HSF4: variants seen among roughly 807,000 people sequenced by gnomAD.
HSF4 encodes the protein heat shock factor protein 4.
HSF4 carries 41 observed loss-of-function variants against 52.0 expected under a neutral mutation model. The observed-to-expected ratio is 0.79, with a 90% confidence interval of 0.61 to 1.02. The LOEUF (loss-of-function observed/expected upper bound fraction) is 1.02. Among genes scored for constraint, HSF4 ranks in the 50% least tolerant of loss-of-function variants. HSF4 has a pLI of 0.00. For synonymous variants in HSF4, 285 were observed against 273.0 expected (o/e 1.04, Z -0.43); for missense variants, 610 against 651.1 (o/e 0.94, Z 0.69).
chr16:67,168,881 C>A lies in HSF4; in HGVS notation c.1133C>A (p.Pro378His). The change falls in exon 10 of 13, where the codon CCT becomes CAT. Residue 378 changes from proline (P) to histidine (H), a missense_variant. Coordinates refer to ENST00000521374, the MANE Select transcript of HSF4 (RefSeq NM_001374675.1). ...SGDRSPESLL[P>H]PMLLQPPQES... ...GACAGGAGCCCAGAGAGTCTGCTGC[C>A]TCCGATGCTGCTTCAGCCCCCTCAA... 1 of 1,614,048 alleles carries A rather than the reference C, an allele frequency of 6.2e-7. No homozygotes were observed. The highest frequency in any genetic ancestry group is 8.5e-7 in the Non-Finnish European group (1 of 1,180,046).
upstream of HSF4, chr16:67,164,692 G>T: frequency 1.5e-5 from 19 of 1,256,060 alleles, no homozygotes; most frequent in South Asian, 3.0e-4. Context: ...CGTGGCCCCC[G>T]CCTGACCCGG....
Position 67,167,965 on chromosome 16 carries a change from TG to T in HSF4, c.1082+20del, listed in dbSNP as rs765186824. The T allele has an allele frequency of 2.4e-5, 37 of 1,558,876 alleles. No homozygotes were observed. Among genetic ancestry groups the T allele is most frequent in the Non-Finnish European group, 3.0e-5 (35 of 1,155,836 alleles). On this transcript the variant is annotated intron_variant, in intron 9 of 12. Transcript: ENST00000521374. ...CCTGACAGGTGAGCAGAGCCCCAGC[TG>T]GCCCATGAGCCCTGTGATAGAACAG... is the stretch of plus-strand genomic sequence containing the variant.
At chr16:67,164,201 C>G (rs1222480757), upstream of HSF4, 2 of 489,876 alleles carry the variant, frequency 4.1e-6, no homozygotes, top group Admixed American at 2.8e-5. Flanking sequence ...AAGGCGGGGT[C>G]GGATCTGAAA....
At chr16:67,168,003 C>A in intron 9 of HSF4, 56 bp downstream of exon 9, 1 of 1,361,320 alleles carries the variant, frequency 7.3e-7, no homozygotes, top group Non-Finnish European at 1.0e-6. Flanking sequence ...CCTTACCAGC[C>A]CACAAAGCTT....
At chr16:67,164,022 C>A, upstream of HSF4, 1 of 766,070 alleles carries the variant, frequency 1.3e-6, no homozygotes, top group Non-Finnish European at 2.2e-6. Context: ...TCTGCAGACG[C>A]CCCACCCGCT....
At position 67,167,604 on chromosome 16, in the gene HSF4, G is replaced by A. The variant is rs775017771; in HGVS notation, c.854+5G>A. 34 of 1,613,126 alleles carry A rather than the reference G, an allele frequency of 2.1e-5. No individual in the cohort carries two copies. The highest frequency in any genetic ancestry group is 3.4e-6 in the Non-Finnish European group (4 of 1,179,874). On this transcript the variant is annotated splice_donor_5th_base_variant and intron_variant, in intron 8 of 12. Coordinates refer to ENST00000521374, the MANE Select transcript of HSF4 (RefSeq NM_001374675.1). ...TCCCTCCAGTGATGGCAGGAGGTAA[G>A]GGGGACAGGGCTGCCCCTGAGGGGC...
intron 7 of HSF4, 24 bp from the exon 8 acceptor site, chr16:67,167,451 C>G (rs771799200): frequency 6.2e-7 from 1 of 1,613,788 alleles, no homozygotes; most frequent in Non-Finnish European, 8.5e-7. Flanking sequence ...AGGCCAAGGG[C>G]TGGGCCTAGC....
At chr16:67,166,185 A>G (rs947176809) in intron 4 of HSF4, 115 bp downstream of exon 4, 2 of 1,380,810 alleles carry the variant, frequency 1.4e-6, no homozygotes, top group East Asian at 2.5e-5. Context: ...TGGCGCCTCC[A>G]TCTAGACTTA....
At chr16:67,163,968 G>A, upstream of HSF4, 1 of 1,261,652 alleles carries the variant, frequency 7.9e-7, no homozygotes, top group East Asian at 2.5e-5. Flanking sequence ...TGATGGCATC[G>A]GGACCAGTCC....
In HSF4 at chr16:67,165,637, C is replaced by G; in HGVS notation, c.232+7C>G. On this transcript the variant is annotated splice_region_variant and intron_variant, in intron 2 of 12. Coordinates refer to ENST00000521374, the MANE Select transcript of HSF4 (RefSeq NM_001374675.1). The surrounding 1 kb of genome is among the most constrained non-coding windows in gnomAD (Gnocchi z 6.9). ...GTGCGCCAACTCAACATGTGTGAGT[C>G]CCTACGGCCGGGCGGGGAGCGGGGA... The G allele has an allele frequency of 6.2e-7, 1 of 1,612,748 alleles. No homozygotes were observed. The highest frequency in any genetic ancestry group is 8.5e-7 in the Non-Finnish European group (1 of 1,179,760).
chr16:67,164,313 G>C (rs1011506699), upstream of HSF4: 8 of 386,184 alleles, frequency 2.1e-5, no homozygotes, highest in Non-Finnish European at 4.1e-5. Flanking sequence ...GGTCAGGGTC[G>C]GGGCACTCAC....
rs114297368 is a variant in HSF4, at chr16:67,167,049, G to A, written c.627-71G>A. 9.8e-4 allele frequency: 1,583 copies of A among 1,607,934 alleles called. 10 individuals carry two copies. The African/African-American group carries it at 0.018, about 18-fold the overall frequency. Reference sequence around the variant, plus strand: ...GGCTGCTGGGGCCTGAGGGAGGGAGGGAAGTGCAGGCCGAGGTGCATGGGG... The same window carrying A: ...GGCTGCTGGGGCCTGAGGGAGGGAGAGAAGTGCAGGCCGAGGTGCATGGGG... On this transcript the variant is annotated intron_variant, in intron 6 of 12. Transcript: ENST00000521374.
At chr16:67,168,063 C>G (rs1166441928) in intron 9 of HSF4, 116 bp downstream of exon 9, 2 of 906,786 alleles carry the variant, frequency 2.2e-6, no homozygotes, top group African/African-American at 3.3e-5. Flanking sequence ...GCCCCAGCAT[C>G]AGAGTTCTGT....
rs576000352 is a variant in HSF4, at chr16:67,165,011, C to A, written c.123+77C>A. On this transcript the variant is annotated intron_variant, in intron 1 of 12. Transcript: ENST00000521374. The surrounding 1 kb of genome is among the most constrained non-coding windows in gnomAD (Gnocchi z 6.9). ...TCAGTGAACACCCATGCCCGCCCAA[C>A]CCCCTCCTGAGACTGGGCCGTGGAT... 1.4e-6 allele frequency: 2 copies of A among 1,426,400 alleles called. No individual in the cohort carries two copies. The highest frequency in any genetic ancestry group is 2.5e-5 in the East Asian group (1 of 40,108). The allele number at this position is 1,426,400 out of a possible 1,614,324, so 88.4% of individuals were successfully genotyped here.
At chr16:67,166,649 C>T (rs758416940) in intron 6 of HSF4, 27 bp downstream of exon 6, 1 of 1,606,848 alleles carries the variant, frequency 6.2e-7, no homozygotes, top group Non-Finnish European at 8.5e-7. Context: ...AGAAGGCCCA[C>T]ACCCACTTCC....
At position 67,169,860 on chromosome 16, in the gene HSF4, C is replaced by A; in HGVS notation, c.*75C>A. The A allele has an allele frequency of 1.3e-6, 2 of 1,535,434 alleles. No individual in the cohort carries two copies. The highest frequency in any genetic ancestry group is 1.8e-6 in the Non-Finnish European group (2 of 1,111,590). ...TTCTTGGCTTCCTGGCGCCCCCTAT[C>A]GGGGGTGAGCGAAGCCCCCACTACT... On this transcript the variant is annotated 3_prime_UTR_variant, in exon 13 of 13. Transcript: ENST00000521374. This position sits in a 1 kb window ranked among gnomAD's most constrained non-coding sequence, Gnocchi z 4.3.
At chr16:67,166,647 C>T in intron 6 of HSF4, 25 bp downstream of exon 6, 2 of 1,609,302 alleles carry the variant, frequency 1.2e-6, no homozygotes, top group Non-Finnish European at 1.7e-6. Flanking sequence ...CAAGAAGGCC[C>T]ACACCCACTT....
rs911088894 is a variant in HSF4 at position 67,169,935 on chromosome 16, T to G, written c.*150T>G. The G allele has an allele frequency of 3.9e-6, 3 of 765,104 alleles. No individual in the cohort carries two copies. The highest frequency in any genetic ancestry group is 2.1e-6 in the Non-Finnish European group (1 of 467,816). The allele number at this position is 765,104 out of a possible 1,614,324, so 47.4% of individuals were successfully genotyped here. ...ACTATCCCTGCACATAAACTCCGTT[T>G]TTTTTTTTTCTGTTTCTGGTCTCTT... On this transcript the variant is annotated 3_prime_UTR_variant, in exon 13 of 13. Coordinates refer to ENST00000521374, the MANE Select transcript of HSF4 (RefSeq NM_001374675.1). This position sits in a 1 kb window ranked among gnomAD's most constrained non-coding sequence, Gnocchi z 4.3.
upstream of HSF4, chr16:67,164,711 G>A (rs549808459): frequency 1.6e-5 from 22 of 1,376,580 alleles, no homozygotes; most frequent in South Asian, 2.8e-4. Context: ...GGCGCCCCGG[G>A]GCGGAGTAGG....
Sources: allele counts gnomAD v4.1 joint callset, GRCh38; gene constraint gnomAD v4.1.1; non-coding constraint Gnocchi (gnomAD v3.1); transcripts MANE v1.5; gene names NCBI Gene and HGNC (gene_info 2026-07-23, HGNC 2026-07-21).